AMBRA1: variants seen among roughly 807,000 people sequenced by gnomAD.
AMBRA1 encodes the protein autophagy and beclin 1 regulator 1.
A neutral mutation model predicts 125.4 loss-of-function variants in AMBRA1; 47 were observed. The observed-to-expected ratio is 0.37, with a 90% CI of 0.30 to 0.48. The LOEUF is 0.48. Ranked by LOEUF, AMBRA1 falls within the 20% of genes least tolerant of loss-of-function variation. The pLI is 0.99. For missense variants in AMBRA1, 1,331 were observed against 1,693.4 expected, an observed-to-expected ratio of 0.79 and a Z score of 3.76; for synonymous variants, 626 against 655.5, an observed-to-expected ratio of 0.95 and a Z score of 0.69.
intron 15 of AMBRA1, among the ~76,000 whole-genome samples, chr11:46,410,946 CA>C (rs1434102918): frequency 2.6e-5 from 4 of 152,038 alleles, no homozygotes; most frequent in Non-Finnish European, 5.9e-5. Flanking sequence ...ACTAAAAATA[CA>C]AAAATTAGCT....
chr11:46,537,422 G>T (rs193086909), intron 7 of AMBRA1, among the ~76,000 whole-genome samples: 2 of 152,312 alleles, frequency 1.3e-5, no homozygotes, highest in Admixed American at 1.3e-4. Flanking sequence ...AGAGAGACTA[G>T]ACTACAAAAG....
intron 1 of AMBRA1, among the ~76,000 whole-genome samples, chr11:46,575,512 CTTTTTTTTTT>C (rs775796043): frequency 2.0e-5 from 2 of 100,414 alleles, no homozygotes; most frequent in Non-Finnish European, 2.0e-5. Flanking sequence ...TTTTTCTTTC[CTTTTTTTTTT>C]TTTTTTTTTT....
At chr11:46,411,116 A>AG (rs1946274046) in intron 15 of AMBRA1, among the ~76,000 whole-genome samples, 4 of 141,852 alleles carry the variant, frequency 2.8e-5, no homozygotes, top group African/African-American at 7.7e-5. Flanking sequence ...AAAAAAAAAG[A>AG]AAAAAAAAAA....
At chr11:46,475,489 T>C (rs892191029) in intron 11 of AMBRA1, among the ~76,000 whole-genome samples, 4 of 152,202 alleles carry the variant, frequency 2.6e-5, no homozygotes, top group Non-Finnish European at 4.4e-5. Flanking sequence ...TATTTCTCTG[T>C]ATACAAAAAT....
chr11:46,422,973 A>C (rs1292307685), intron 14 of AMBRA1, among the ~76,000 whole-genome samples: 1 of 152,216 alleles, frequency 6.6e-6, no homozygotes. Context: ...GCTTTGAGGA[A>C]GAAAGGAACT....
intron 8 of AMBRA1, 60 bp downstream of exon 8, chr11:46,512,667 G>A: frequency 7.1e-7 from 1 of 1,418,284 alleles, no homozygotes; most frequent in South Asian, 1.2e-5. Context: ...TTCCAACAGT[G>A]TGGCAACCCC....
At chr11:46,450,073 A>G (rs967326828) in intron 11 of AMBRA1, among the ~76,000 whole-genome samples, 3 of 151,846 alleles carry the variant, frequency 2.0e-5, no homozygotes, top group African/African-American at 7.3e-5. Context: ...AAAAAAAAAA[A>G]CAACTAATGT....
intron 7 of AMBRA1, among the ~76,000 whole-genome samples, chr11:46,521,688 A>C (rs191846378): frequency 6.6e-6 from 1 of 152,372 alleles, no homozygotes; most frequent in Non-Finnish European, 1.5e-5. Context: ...TTATCGTTTA[A>C]GTTATCCAAC....
chr11:46,444,028 T>C lies in AMBRA1; in HGVS notation c.2522-430A>G, dbSNP rs757242381. Among the ~76,000 whole-genome samples, 35 of 152,236 alleles carry C rather than the reference T, an allele frequency of 2.3e-4. 1 individual carries two copies. Among genetic ancestry groups the C allele is most frequent in the Admixed American group, 9.8e-4 (15 of 15,304 alleles). On this transcript the variant is annotated intron_variant, in intron 11 of 17. Transcript: ENST00000683756. ...TGGACATCCTGATAGTAAGCAGCAC[T>C]CTTTCAGACAAAGTATCTCCTCCTT...
intron 11 of AMBRA1, among the ~76,000 whole-genome samples, chr11:46,490,045 T>A (rs1174860020): frequency 6.6e-6 from 1 of 152,162 alleles, no homozygotes; most frequent in African/African-American, 2.4e-5. Context: ...GTTGCAAAGA[T>A]GAAAAGAGAT....
chr11:46,480,562 C>G (rs1950021914), intron 11 of AMBRA1, among the ~76,000 whole-genome samples: 1 of 152,206 alleles, frequency 6.6e-6, no homozygotes, highest in Non-Finnish European at 1.5e-5. Flanking sequence ...TCTAGATCAA[C>G]ATGTGTACCT....
chr11:46,537,277 A>C (rs961214619), intron 7 of AMBRA1, among the ~76,000 whole-genome samples: 1 of 152,224 alleles, frequency 6.6e-6, no homozygotes, highest in Non-Finnish European at 1.5e-5. Context: ...GACAAAGAAA[A>C]CTGCTGTTTG....
chr11:46,475,673 C>T (rs1949785351), intron 11 of AMBRA1, among the ~76,000 whole-genome samples: 1 of 152,152 alleles, frequency 6.6e-6, no homozygotes, highest in Admixed American at 6.6e-5. Context: ...AGTTATGCTC[C>T]CCACACAAAA....
At chr11:46,593,623 A>T (rs2044685633) in intron 1 of AMBRA1, among the ~76,000 whole-genome samples, 1 of 152,206 alleles carries the variant, frequency 6.6e-6, no homozygotes, top group African/African-American at 2.4e-5. Context: ...CCACACCGGG[A>T]AGCCCCAGCA....
rs1024654148 is a variant in AMBRA1, at chr11:46,542,811, G to C, written c.1206C>G (p.His402Gln). 3 of 1,614,064 alleles carry C rather than the reference G, an allele frequency of 1.9e-6. No individual in the cohort carries two copies. Among genetic ancestry groups the C allele is most frequent in the Non-Finnish European group, 2.5e-6 (3 of 1,180,004 alleles). ...RRSLGGPLSS[H>Q]PSRYHREIAP... is the part of the protein sequence containing the mutation. The stretch of plus-strand genomic sequence containing the variant: ...CTATTTCTCGGTGATACCTAGAAGG[G>C]TGGCTAGACAGAGGCCCTCCCAAAG... Residue 402 changes from histidine to glutamine, a missense_variant, in exon 7 of 18, where the codon CAC becomes CAG. Physicochemically the swap from His to Gln is conservative, Grantham distance 24 (BLOSUM62 0). This residue lies in a region of AMBRA1 where 689 missense variants were observed against 776.5 expected (regional missense o/e 0.89). Transcript: ENST00000683756. This position sits in a 1 kb window ranked among gnomAD's most constrained non-coding sequence, Gnocchi z 5.9.
At chr11:46,517,487 T>G (rs1341418256) in intron 7 of AMBRA1, among the ~76,000 whole-genome samples, 2 of 145,562 alleles carry the variant, frequency 1.4e-5, no homozygotes, top group Non-Finnish European at 1.5e-5. Context: ...TTTTTTTTTT[T>G]TTTTTTTTTT....
intron 11 of AMBRA1, among the ~76,000 whole-genome samples, chr11:46,479,082 C>T (rs1051399767): frequency 1.1e-4 from 16 of 151,906 alleles, no homozygotes; most frequent in Admixed American, 5.9e-4. Context: ...GCAGTAGTCT[C>T]GGTTACCTGG....
chr11:46,403,570 C>T (rs754047733), intron 17 of AMBRA1, among the ~76,000 whole-genome samples: 5 of 152,206 alleles, frequency 3.3e-5, no homozygotes, highest in African/African-American at 4.8e-5. Context: ...TGGAAGCCAA[C>T]GGTGAGCCCA....
chr11:46,585,567 G>A (rs2044341522), intron 1 of AMBRA1, among the ~76,000 whole-genome samples: 1 of 138,934 alleles, frequency 7.2e-6, no homozygotes, highest in African/African-American at 2.7e-5. Context: ...TCAGGAGGCT[G>A]AGGCAGGAGA....
Sources: allele counts gnomAD v4.1 joint callset (sites outside exome capture counted in the v4.1 genomes callset), GRCh38; gene constraint gnomAD v4.1.1; regional missense constraint gnomAD v4.1.1; non-coding constraint Gnocchi (gnomAD v3.1); transcripts MANE v1.5; gene names NCBI Gene and HGNC (gene_info 2026-07-23, HGNC 2026-07-21).